NCOA2: variants seen among roughly 807,000 people sequenced by gnomAD.
NCOA2 encodes nuclear receptor coactivator 2, also known as class E basic helix-loop-helix protein 75.
A neutral mutation model predicts 145.1 loss-of-function variants in NCOA2; 21 were observed. The observed-to-expected ratio is 0.14, with a 90% CI of 0.10 to 0.21. The LOEUF is 0.21. NCOA2 is among the 10% of genes least tolerant of loss of function. The pLI, the probability that NCOA2 is intolerant of heterozygous loss-of-function variation, is 1.00. For synonymous variants in NCOA2, 619 were observed against 637.5 expected (o/e 0.97, Z 0.44); for missense variants, 1,472 against 1,837.6 (o/e 0.80, Z 3.64).
At chr8:70,344,074 C>T (rs1345842807) in intron 1 of NCOA2, among the ~76,000 whole-genome samples, 1 of 152,116 alleles carries the variant, frequency 6.6e-6, no homozygotes, top group East Asian at 1.9e-4. Context: ...CTTTTAAACC[C>T]GTGTATTCTA....
chr8:70,339,309 T>C (rs1163989158), intron 1 of NCOA2, among the ~76,000 whole-genome samples: 1 of 151,880 alleles, frequency 6.6e-6, no homozygotes, highest in Non-Finnish European at 1.5e-5. Flanking sequence ...GAAAGCCAAA[T>C]CATGAATGAA....
chr8:70,144,554 T>C (rs901979565), intron 13 of NCOA2, 88 bp downstream of exon 13: 1 of 1,093,050 alleles, frequency 9.1e-7, no homozygotes, highest in Non-Finnish European at 1.3e-6. Flanking sequence ...AAAAGTTCAC[T>C]TGAAAAATTC....
At chr8:70,188,220 T>G (rs1816294221) in intron 4 of NCOA2, among the ~76,000 whole-genome samples, 1 of 152,230 alleles carries the variant, frequency 6.6e-6, no homozygotes, top group Non-Finnish European at 1.5e-5. Context: ...TGTCTTAGAT[T>G]TGCTTTTTCA....
chr8:70,170,438 GT>G, intron 5 of NCOA2, 59 bp from the exon 6 acceptor site: 1 of 1,361,290 alleles, frequency 7.3e-7, no homozygotes, highest in Non-Finnish European at 9.9e-7. Context: ...ACATGCAATT[GT>G]TAAGAAGGGA....
chr8:70,349,744 T>C (rs1474620980), intron 1 of NCOA2, among the ~76,000 whole-genome samples: 1 of 152,182 alleles, frequency 6.6e-6, no homozygotes, highest in Non-Finnish European at 1.5e-5. Flanking sequence ...TCAGATTTTC[T>C]TTACTATTCT....
intron 12 of NCOA2, among the ~76,000 whole-genome samples, chr8:70,145,119 T>G (rs961183730): frequency 5.3e-5 from 8 of 151,952 alleles, no homozygotes; most frequent in African/African-American, 1.9e-4. Flanking sequence ...TCCTCACCAA[T>G]AGTAATTTCA....
intron 4 of NCOA2, among the ~76,000 whole-genome samples, chr8:70,185,775 A>G (rs1467983985): frequency 1.3e-5 from 2 of 152,196 alleles, no homozygotes; most frequent in African/African-American, 4.8e-5. Flanking sequence ...GACAAAAACT[A>G]GGTAATTTCT....
At chr8:70,424,374 T>G in the NCOA2 span, 1 of 382,158 alleles carries the variant, frequency 2.6e-6, no homozygotes, top group Admixed American at 2.9e-5. Flanking sequence ...TTCTGCTTAG[T>G]GGCAATCATA....
chr8:70,160,681 G>GGGAGAGAGAGAGAGAGAGAGAA (rs1812862842), intron 9 of NCOA2, among the ~76,000 whole-genome samples: 2 of 143,966 alleles, frequency 1.4e-5, no homozygotes, highest in South Asian at 4.3e-4. Flanking sequence ...GAGAGAGAGA[G>GGGAGAGAGAGAGAGAGAGAGAA]GGAGAGAGAG....
chr8:70,272,273 T>C (rs945260888), intron 2 of NCOA2, among the ~76,000 whole-genome samples: 1 of 152,202 alleles, frequency 6.6e-6, no homozygotes, highest in Non-Finnish European at 1.5e-5. Flanking sequence ...CTAAAATGCA[T>C]TGATTCATCC....
At chr8:70,217,543 A>G (rs576154222) in intron 2 of NCOA2, among the ~76,000 whole-genome samples, 236 of 152,292 alleles carry the variant, frequency 1.5e-3, no homozygotes, top group African/African-American at 5.7e-3. Context: ...ATGCCCCAGA[A>G]GTCAGGGGAA....
chr8:70,343,316 C>CA (rs1270300873), intron 1 of NCOA2, among the ~76,000 whole-genome samples: 2 of 152,036 alleles, frequency 1.3e-5, no homozygotes. Flanking sequence ...TAGAAGGTCA[C>CA]AAAAAACTAA....
At chr8:70,129,701 C>T (rs935257852) in intron 16 of NCOA2, among the ~76,000 whole-genome samples, 2 of 151,664 alleles carry the variant, frequency 1.3e-5, no homozygotes, top group African/African-American at 4.8e-5. Flanking sequence ...GACGGAGTTT[C>T]GCTCTTGTTG....
At chr8:70,119,813 A>G (rs1043031441) in intron 22 of NCOA2, among the ~76,000 whole-genome samples, 19 of 151,706 alleles carry the variant, frequency 1.3e-4, no homozygotes, top group African/African-American at 4.6e-4. Context: ...GAGCATTTTT[A>G]ATATAACTGC....
At chr8:70,390,408 C>G (rs952747787) in intron 1 of NCOA2, among the ~76,000 whole-genome samples, 1 of 152,112 alleles carries the variant, frequency 6.6e-6, no homozygotes, top group African/African-American at 2.4e-5. Flanking sequence ...TTATTGTTTT[C>G]TTGGGTGACA....
At chr8:70,376,529 A>G (rs976821044) in intron 1 of NCOA2, among the ~76,000 whole-genome samples, 1 of 152,208 alleles carries the variant, frequency 6.6e-6, no homozygotes, top group Non-Finnish European at 1.5e-5. Context: ...ACACTAGTTG[A>G]TTGTGACCTT....
chr8:70,261,417 C>A (rs1824117357), intron 2 of NCOA2, among the ~76,000 whole-genome samples: 1 of 151,026 alleles, frequency 6.6e-6, no homozygotes. Flanking sequence ...CACATGGACA[C>A]AGGAAGGGGA....
intron 2 of NCOA2, among the ~76,000 whole-genome samples, chr8:70,269,630 A>G (rs1358115344): frequency 6.6e-6 from 1 of 152,214 alleles, no homozygotes; most frequent in Non-Finnish European, 1.5e-5. Flanking sequence ...AAAAATATGG[A>G]ACAAAGTTGT....
chr8:70,248,490 A>G (rs1359925294), intron 2 of NCOA2, among the ~76,000 whole-genome samples: 1 of 152,106 alleles, frequency 6.6e-6, no homozygotes, highest in Non-Finnish European at 1.5e-5. Flanking sequence ...TAAGTACTCT[A>G]TGTCCTGGCT....
Sources: gnomAD v4.1 joint callset for allele counts (sites outside exome capture counted in the v4.1 genomes callset) on GRCh38, gnomAD v4.1.1 for gene constraint, MANE v1.5 for transcripts, NCBI Gene and HGNC (gene_info 2026-07-23, HGNC 2026-07-21) for gene names.